The following CHKA variants were observed in gnomAD, a reference collection of about 807,000 sequenced individuals.
The protein encoded by CHKA is CHETK-alpha.
Under a neutral mutation model 60.1 loss-of-function variants are expected in CHKA, and 34 were observed. The ratio of observed to expected loss-of-function variants is 0.57; its 90% CI spans 0.43 to 0.75. CHKA has a LOEUF of 0.75. Ranked by LOEUF, CHKA falls within the 30% of genes least tolerant of loss-of-function variation. The probability of loss-of-function intolerance (pLI) is 0.00; values close to 1 mark genes in which losing one functional copy is unlikely to be tolerated. For synonymous variants in CHKA, 217 were observed against 223.1 expected, an observed-to-expected ratio of 0.97 and a Z score of 0.24; for missense variants, 563 against 561.3, an observed-to-expected ratio of 1.00 and a Z score of -0.03.
At chr11:68,117,943 G>A (rs1220945396) in intron 1 of CHKA, among the ~76,000 whole-genome samples, 1 of 152,164 alleles carries the variant, frequency 6.6e-6, no homozygotes, top group Non-Finnish European at 1.5e-5. Flanking sequence ...TGCAGAGGAG[G>A]GATTTCTGGG....
intron 8 of CHKA, 149 bp downstream of exon 8, chr11:68,066,280 G>A (rs771957114): frequency 3.2e-5 from 21 of 664,008 alleles, no homozygotes; most frequent in South Asian, 3.7e-5. Flanking sequence ...AACCATCACC[G>A]GCCACTGGAC....
At chr11:68,088,110 CAAAAAAA>C (rs55932145) in intron 2 of CHKA, among the ~76,000 whole-genome samples, 12 of 71,238 alleles carry the variant, frequency 1.7e-4, no homozygotes, top group African/African-American at 2.3e-4. Context: ...GAGGCTGTCT[CAAAAAAA>C]AAAAAAAAAA....
intron 1 of CHKA, among the ~76,000 whole-genome samples, chr11:68,107,020 G>A (rs144425547): frequency 1.3e-4 from 20 of 152,250 alleles, no homozygotes; most frequent in Admixed American, 7.9e-4. Flanking sequence ...TTGGGAGGCC[G>A]AGGTGGGTGG....
At chr11:68,059,599 A>G (rs960579395) in intron 11 of CHKA, among the ~76,000 whole-genome samples, 1 of 152,212 alleles carries the variant, frequency 6.6e-6, no homozygotes, top group Non-Finnish European at 1.5e-5. Context: ...TGTTTTCATT[A>G]TAATTCAGTT....
Position 68,070,851 on chromosome 11 carries a change from G to T in CHKA, c.637C>A (p.Arg213=). The change falls in exon 5 of 12, where the codon CGA becomes AGA. Residue 213 remains arginine (R), a synonymous_variant. Transcript: ENST00000265689. ...AAACTTAATTCTTCAGTATCTAATC[G>T]CCGGCTCTGAAAAAGAAAAGGGAGT... ...GRLEQFIPSR[R]LDTEELSLPD... is the part of the protein sequence containing the mutation. 6.2e-7 allele frequency: 1 copy of T among 1,606,012 alleles called. No individual in the cohort carries two copies.
intron 2 of CHKA, among the ~76,000 whole-genome samples, chr11:68,087,890 A>C (rs1259507488): frequency 6.6e-6 from 1 of 152,108 alleles, no homozygotes; most frequent in Non-Finnish European, 1.5e-5. Context: ...AGGTGGGTGG[A>C]TCACCTGAGG....
At chr11:68,120,282 C>A (rs1424707089) in intron 1 of CHKA, among the ~76,000 whole-genome samples, 1 of 151,850 alleles carries the variant, frequency 6.6e-6, no homozygotes, top group East Asian at 1.9e-4. Context: ...ATTTTAGGAG[C>A]CACGCCTCCC....
intron 1 of CHKA, among the ~76,000 whole-genome samples, chr11:68,104,567 C>T (rs867681230): frequency 6.6e-5 from 10 of 151,798 alleles, no homozygotes; most frequent in Non-Finnish European, 1.5e-4. Flanking sequence ...ATTCAGGCTC[C>T]CACTACCATG....
Position 68,097,040 on chromosome 11 carries a change from C to T in CHKA, c.441G>A (p.Leu147=), listed in dbSNP as rs375551488. 3.1e-6 allele frequency: 5 copies of T among 1,612,910 alleles called. No homozygotes were observed. The highest frequency in any genetic ancestry group is 1.1e-5 in the South Asian group (1 of 90,768). The change falls in exon 2 of 12, where the codon CTG becomes CTA. Residue 147 remains leucine, a synonymous_variant. Coordinates refer to ENST00000265689, the MANE Select transcript of CHKA (RefSeq NM_001277.3). ...GDEPRKVLLR[L]YGAILQMRSC... is the part of the protein sequence containing the mutation. ...TCACCATCTGCAAAATCGCTCCATA[C>T]AGCCGCAGGAGCACTTTCCGAGGCT...
At position 68,070,743 on chromosome 11, in the gene CHKA, G is replaced by C. The variant is rs1342859265; in HGVS notation, c.745C>G (p.Leu249Val). 1 of 1,610,758 alleles carries C rather than the reference G, an allele frequency of 6.2e-7. No homozygotes were observed. Among genetic ancestry groups the C allele is most frequent in the Non-Finnish European group, 8.5e-7 (1 of 1,177,290 alleles). ...ACTTACTTTTCCATTGTGCCAAAAAGCCATTTTGGTTCCTTATTGAATGGC... is the reference window on the plus strand; with the variant it reads ...ACTTACTTTTCCATTGTGCCAAAAACCCATTTTGGTTCCTTATTGAATGGC... ...KMPFNKEPKW[L>V]FGTMEKYLKE... Residue 249 changes from leucine to valine, a missense_variant, in exon 5 of 12, where the codon CTT (leucine) becomes GTT (valine). By Grantham distance (32) the Leu-to-Val change is conservative. Transcript: ENST00000265689.
chr11:68,081,507 C>G (rs765838527), intron 2 of CHKA, 50 bp from the exon 3 acceptor site: 2 of 1,442,950 alleles, frequency 1.4e-6, no homozygotes, highest in Non-Finnish European at 1.9e-6. Flanking sequence ...GAACACTAAA[C>G]AGACACTAAC....
intron 1 of CHKA, 116 bp downstream of exon 1, chr11:68,120,712 G>C: frequency 4.8e-6 from 1 of 209,592 alleles, no homozygotes; most frequent in Non-Finnish European, 9.0e-6. Flanking sequence ...CTCCGCCCCG[G>C]CCCCGGCTCC....
In CHKA at chr11:68,097,011, C is replaced by T; in HGVS notation, c.462+8G>A. 2 of 1,604,188 alleles carry T rather than the reference C, an allele frequency of 1.2e-6. No homozygotes were observed. The highest frequency in any genetic ancestry group is 1.1e-5 in the South Asian group (1 of 89,788). ...ATCCCCCCCTCCCAAAGTAGCCTAC[C>T]AACTCACCATCTGCAAAATCGCTCC... On this transcript the variant is annotated splice_region_variant and intron_variant, in intron 2 of 11. Coordinates refer to ENST00000265689, the MANE Select transcript of CHKA (RefSeq NM_001277.3).
chr11:68,061,763 G>A (rs1444801241), intron 11 of CHKA, 190 bp downstream of exon 11: 10 of 634,142 alleles, frequency 1.6e-5, no homozygotes, highest in East Asian at 1.2e-4. Context: ...CAGTGACAGC[G>A]GCTTCTCCCC....
At chr11:68,097,635 C>CAAAAAAAA (rs386374052) in intron 1 of CHKA, among the ~76,000 whole-genome samples, 3 of 111,880 alleles carry the variant, frequency 2.7e-5, no homozygotes, top group Non-Finnish European at 5.3e-5. Flanking sequence ...GACTCCGTCT[C>CAAAAAAAA]AAAAAAAAAA....
chr11:68,100,202 A>G (rs1857657380), intron 1 of CHKA, among the ~76,000 whole-genome samples: 1 of 152,234 alleles, frequency 6.6e-6, no homozygotes, highest in Admixed American at 6.5e-5. Context: ...TATCCTCCCA[A>G]GTAAAACCCC....
At chr11:68,086,499 A>G (rs753558447) in intron 2 of CHKA, among the ~76,000 whole-genome samples, 1 of 152,242 alleles carries the variant, frequency 6.6e-6, no homozygotes, top group Non-Finnish European at 1.5e-5. Context: ...ATCAGACAGA[A>G]TAAACTTATT....
At chr11:68,069,298 T>C (rs759246077) in intron 6 of CHKA, among the ~76,000 whole-genome samples, 2 of 152,176 alleles carry the variant, frequency 1.3e-5, no homozygotes, top group East Asian at 1.9e-4. Flanking sequence ...ACAGCACTTA[T>C]CACAATTTGA....
intron 3 of CHKA, among the ~76,000 whole-genome samples, chr11:68,080,115 T>A (rs984906698): frequency 6.6e-6 from 1 of 152,198 alleles, no homozygotes; most frequent in Admixed American, 6.5e-5. Context: ...GCTAACAGGA[T>A]GTCCAAAGGC....
Sources: gnomAD v4.1 joint callset for allele counts (sites outside exome capture counted in the v4.1 genomes callset) on GRCh38, gnomAD v4.1.1 for gene constraint, MANE v1.5 for transcripts, NCBI Gene and HGNC (gene_info 2026-07-23, HGNC 2026-07-21) for gene names.